FSTL5: variants seen among roughly 807,000 people sequenced by gnomAD.
The protein encoded by FSTL5 is follistatin like 5.
Under a neutral mutation model 89.1 loss-of-function variants are expected in FSTL5, and 62 were observed. The ratio of observed to expected loss-of-function variants is 0.70; its 90% CI spans 0.57 to 0.86. FSTL5 has a LOEUF of 0.86. Among genes scored for constraint, FSTL5 ranks in the 40% least tolerant of loss-of-function variants. The pLI, the probability that FSTL5 is intolerant of heterozygous loss-of-function variation, is 0.00. For missense variants in FSTL5, 1,057 were observed against 1,001.6 expected (o/e 1.06, Z -0.75); for synonymous variants, 383 against 346.2 (o/e 1.11, Z -1.18).
intron 2 of FSTL5, among the ~76,000 whole-genome samples, chr4:162,071,271 C>T (rs1729611405): frequency 6.6e-6 from 1 of 151,360 alleles, no homozygotes; most frequent in Non-Finnish European, 1.5e-5. Context: ...CAAAAAGACA[C>T]TCATAGACTA....
rs72982644 is a variant in FSTL5 at position 162,090,183 on chromosome 4, G to T, written c.126+21088C>A. ...CAATACCATCCTGCACATAGGAACA[G>T]GCAAAAATTTCATGACTGATACCAA... is the stretch of plus-strand genomic sequence containing the variant. On this transcript the variant is annotated intron_variant, in intron 2 of 15. Transcript: ENST00000306100. 2.4e-3 allele frequency among the ~76,000 whole-genome samples: 363 copies of T among 152,132 alleles called. 3 individuals are homozygous for T. Among genetic ancestry groups the T allele is most frequent in the African/African-American group, 8.0e-3 (331 of 41,522 alleles).
chr4:161,735,120 T>A (rs1228812109), intron 6 of FSTL5, among the ~76,000 whole-genome samples: 1 of 152,180 alleles, frequency 6.6e-6, no homozygotes, highest in Non-Finnish European at 1.5e-5. Context: ...TCCCATAACC[T>A]TCTTCTAGGA....
rs184851122 is a variant in FSTL5 at position 161,646,097 on chromosome 4, C to A, written c.894+10231G>T. Among the ~76,000 whole-genome samples the A allele has an allele frequency of 6.1e-3, 906 of 149,482 alleles. 9 individuals are homozygous for A. The highest frequency in any genetic ancestry group is 0.046 in the South Asian group (218 of 4,788). ...TTAAATTATTTTTATCAATGATATACAATTTGGGTTCTGTTAGCAATGAAT... is the reference window on the plus strand; with the variant it reads ...TTAAATTATTTTTATCAATGATATAAAATTTGGGTTCTGTTAGCAATGAAT... On this transcript the variant is annotated intron_variant, in intron 7 of 15. Transcript: ENST00000306100.
intron 7 of FSTL5, among the ~76,000 whole-genome samples, chr4:161,609,047 T>A (rs774056349): frequency 6.6e-6 from 1 of 152,058 alleles, no homozygotes; most frequent in Non-Finnish European, 1.5e-5. Flanking sequence ...AATATAATTA[T>A]ATTAACTTAC....
At chr4:162,089,651 G>A (rs112587409) in intron 2 of FSTL5, among the ~76,000 whole-genome samples, 15,205 of 81,962 alleles carry the variant, frequency 0.19, 1,350 homozygotes, top group East Asian at 0.32. Context: ...AAAAAAAAAA[G>A]AAAAAAAAGA....
chr4:161,596,824 C>T lies in FSTL5; in HGVS notation c.895-9249G>A, dbSNP rs922151297. ...GGAGTAAAATGAGCTGCAGGTATTTCTCCTGTTAGAATAAAAAGAAGACAT... is the reference window on the plus strand; with the variant it reads ...GGAGTAAAATGAGCTGCAGGTATTTTTCCTGTTAGAATAAAAAGAAGACAT... On this transcript the variant is annotated intron_variant, in intron 7 of 15. Coordinates refer to ENST00000306100, the MANE Select transcript of FSTL5 (RefSeq NM_020116.5). 2.8e-4 allele frequency among the ~76,000 whole-genome samples: 43 copies of T among 152,126 alleles called. 1 individual carries two copies. The highest frequency in any genetic ancestry group is 1.3e-3 in the Admixed American group (20 of 15,252).
chr4:161,764,973 T>C (rs2126794189), intron 5 of FSTL5, among the ~76,000 whole-genome samples: 1 of 152,366 alleles, frequency 6.6e-6, no homozygotes, highest in South Asian at 2.1e-4. Flanking sequence ...TAATTGTAGC[T>C]TTGAGCTGGG....
intron 2 of FSTL5, among the ~76,000 whole-genome samples, chr4:162,062,991 G>A (rs1331436471): frequency 6.6e-6 from 1 of 151,414 alleles, no homozygotes; most frequent in African/African-American, 2.4e-5. Flanking sequence ...TGTATTATAT[G>A]CTACTATTTT....
chr4:162,112,586 C>T (rs983317957), intron 1 of FSTL5, among the ~76,000 whole-genome samples: 2 of 152,108 alleles, frequency 1.3e-5, no homozygotes, highest in Non-Finnish European at 2.9e-5. Flanking sequence ...TTATTTTCTT[C>T]CATCTTTAGA....
chr4:162,156,202 G>A (rs145448533), intron 1 of FSTL5, among the ~76,000 whole-genome samples: 35 of 152,080 alleles, frequency 2.3e-4, no homozygotes, highest in Non-Finnish European at 3.7e-4. Flanking sequence ...ACACCATCTC[G>A]CACCAGTCAG....
At chr4:162,012,831 T>C (rs1313658500) in intron 3 of FSTL5, among the ~76,000 whole-genome samples, 1 of 152,126 alleles carries the variant, frequency 6.6e-6, no homozygotes, top group Non-Finnish European at 1.5e-5. Flanking sequence ...TTCCTGTATA[T>C]GACATTATAT....
intron 3 of FSTL5, among the ~76,000 whole-genome samples, chr4:161,976,748 T>C (rs56922738): frequency 0.11 from 17,008 of 152,182 alleles, 1,037 homozygotes; most frequent in East Asian, 0.21. Flanking sequence ...CCCAAAGTGC[T>C]GGGATTACAG....
intron 7 of FSTL5, among the ~76,000 whole-genome samples, chr4:161,653,929 C>T (rs911066350): frequency 1.3e-5 from 2 of 152,114 alleles, no homozygotes; most frequent in Non-Finnish European, 2.9e-5. Flanking sequence ...GTTTGTTCAG[C>T]TTAACTAAAT....
intron 6 of FSTL5, among the ~76,000 whole-genome samples, chr4:161,703,080 C>T (rs960197187): frequency 4.6e-5 from 7 of 152,082 alleles, no homozygotes; most frequent in South Asian, 2.1e-4. Flanking sequence ...TGTTTGAGGA[C>T]GCAGAGAGAG....
intron 8 of FSTL5, among the ~76,000 whole-genome samples, chr4:161,579,961 G>C (rs915972565): frequency 2.6e-5 from 4 of 151,964 alleles, no homozygotes; most frequent in Non-Finnish European, 4.4e-5. Context: ...ACTTTCTTTA[G>C]ACTTTAAATT....
intron 4 of FSTL5, among the ~76,000 whole-genome samples, chr4:161,899,356 G>A (rs190871299): frequency 3.3e-4 from 51 of 152,288 alleles, no homozygotes; most frequent in Non-Finnish European, 7.2e-4. Flanking sequence ...AGGCCCTAGT[G>A]CCCAGCTGTA....
intron 6 of FSTL5, among the ~76,000 whole-genome samples, chr4:161,663,649 A>C (rs747283869): frequency 6.6e-6 from 1 of 152,078 alleles, no homozygotes; most frequent in Admixed American, 6.5e-5. Context: ...TTCTAGGTGC[A>C]TGTTGCAAGC....
chr4:161,780,152 TAATA>T (rs1027005575), intron 4 of FSTL5, among the ~76,000 whole-genome samples: 23 of 149,364 alleles, frequency 1.5e-4, no homozygotes, highest in African/African-American at 5.1e-4. Flanking sequence ...TATAATTATT[TAATA>T]ATTATTGTAT....
intron 7 of FSTL5, among the ~76,000 whole-genome samples, chr4:161,602,252 A>T (rs1448939889): frequency 9.7e-6 from 1 of 102,596 alleles, no homozygotes; most frequent in African/African-American, 3.9e-5. Context: ...AGAGGGAGAG[A>T]AAGAGAGAGA....
Sources: gnomAD v4.1 joint callset for allele counts (sites outside exome capture counted in the v4.1 genomes callset) on GRCh38, gnomAD v4.1.1 for gene constraint, MANE v1.5 for transcripts, NCBI Gene and HGNC (gene_info 2026-07-23, HGNC 2026-07-21) for gene names.